CAMSAP1: variants seen among roughly 807,000 people sequenced by gnomAD.
CAMSAP1 encodes calmodulin regulated spectrin associated protein 1, also known as calmodulin-regulated spectrin-associated protein 1.
Under a neutral mutation model 143.5 loss-of-function variants are expected in CAMSAP1, and 58 were observed. The ratio of observed to expected loss-of-function variants is 0.40; its 90% CI spans 0.33 to 0.50. CAMSAP1 has a LOEUF of 0.50. Among genes scored for constraint, CAMSAP1 ranks in the 20% least tolerant of loss-of-function variants. The pLI, the probability that CAMSAP1 is intolerant of heterozygous loss-of-function variation, is 0.45. For synonymous variants in CAMSAP1, 945 were observed against 859.3 expected, an observed-to-expected ratio of 1.10 and a Z score of -1.74; for missense variants, 1,969 against 2,115.7, an observed-to-expected ratio of 0.93 and a Z score of 1.36.
intron 15 of CAMSAP1, 64 bp downstream of exon 15, chr9:135,815,826 A>C (rs1835209375): frequency 7.7e-7 from 1 of 1,295,566 alleles, no homozygotes; most frequent in Non-Finnish European, 1.1e-6. Flanking sequence ...CAGATATTGA[A>C]AGAGCCACGC....
At chr9:135,891,625 CATG>C (rs1306839758) in intron 1 of CAMSAP1, among the ~76,000 whole-genome samples, 1 of 152,202 alleles carries the variant, frequency 6.6e-6, no homozygotes, top group African/African-American at 2.4e-5. Context: ...AGTCTCACAG[CATG>C]ATGTTCACAG....
intron 7 of CAMSAP1, among the ~76,000 whole-genome samples, chr9:135,838,584 C>T (rs1286961689): frequency 6.7e-6 from 1 of 150,354 alleles, no homozygotes; most frequent in Non-Finnish European, 1.5e-5. Context: ...AGACACACAT[C>T]ATCACGCACT....
At chr9:135,861,807 C>CA (rs1047762615) in intron 5 of CAMSAP1, among the ~76,000 whole-genome samples, 18 of 152,306 alleles carry the variant, frequency 1.2e-4, no homozygotes, top group African/African-American at 4.3e-4. Flanking sequence ...TGGGGCTTAG[C>CA]AAAACCTAAA....
intron 10 of CAMSAP1, 120 bp downstream of exon 10, chr9:135,823,830 T>G (rs1041732971): frequency 1.4e-6 from 1 of 727,538 alleles, no homozygotes; most frequent in African/African-American, 1.8e-5. Context: ...TAATTCTGAT[T>G]TCAGGCACTC....
At chr9:135,857,608 G>A (rs931594579) in intron 5 of CAMSAP1, among the ~76,000 whole-genome samples, 1 of 152,164 alleles carries the variant, frequency 6.6e-6, no homozygotes, top group Non-Finnish European at 1.5e-5. Context: ...CACCATCTCT[G>A]TTGATTTGGG....
intron 7 of CAMSAP1, among the ~76,000 whole-genome samples, chr9:135,829,472 A>G (rs1835782176): frequency 6.6e-6 from 1 of 152,126 alleles, no homozygotes. Flanking sequence ...AGCAATGATC[A>G]AGCCACTGCA....
chr9:135,903,695 A>G (rs1838682650), intron 1 of CAMSAP1, among the ~76,000 whole-genome samples: 1 of 152,268 alleles, frequency 6.6e-6, no homozygotes, highest in African/African-American at 2.4e-5. Context: ...CAAGCCTTTA[A>G]CAAGTTAAAT....
chr9:135,829,380 C>T (rs2131679783), intron 7 of CAMSAP1, among the ~76,000 whole-genome samples: 1 of 151,634 alleles, frequency 6.6e-6, no homozygotes, highest in South Asian at 2.1e-4. Context: ...CATGGTGGCA[C>T]ATGCCTGTAG....
intron 16 of CAMSAP1, among the ~76,000 whole-genome samples, chr9:135,812,469 GGAGA>G (rs1000421170): frequency 2.0e-5 from 3 of 152,130 alleles, no homozygotes; most frequent in African/African-American, 7.2e-5. Context: ...GCAAATCCAT[GGAGA>G]CAGACTGGCG....
At chr9:135,862,202 TTAG>T (rs1425784148) in intron 5 of CAMSAP1, among the ~76,000 whole-genome samples, 1 of 125,254 alleles carries the variant, frequency 8.0e-6, no homozygotes, top group African/African-American at 3.0e-5. Context: ...TCCTCTCACC[TTAG>T]CCTCCCGAGT....
intron 5 of CAMSAP1, among the ~76,000 whole-genome samples, chr9:135,854,699 C>T (rs762968390): frequency 6.6e-6 from 1 of 152,120 alleles, no homozygotes; most frequent in Non-Finnish European, 1.5e-5. Flanking sequence ...AATGATCCCC[C>T]CGCCTCAGCC....
intron 1 of CAMSAP1, among the ~76,000 whole-genome samples, chr9:135,898,086 T>G (rs138629394): frequency 3.3e-5 from 5 of 152,274 alleles, no homozygotes; most frequent in Non-Finnish European, 5.9e-5. Flanking sequence ...AAATCATTAA[T>G]ACAAGTTCCT....
At position 135,866,470 on chromosome 9, in the gene CAMSAP1, G is replaced by C; in HGVS notation, c.652C>G (p.Pro218Ala). 1 of 1,459,616 alleles carries C rather than the reference G, an allele frequency of 6.9e-7. No individual in the cohort carries two copies. The highest frequency in any genetic ancestry group is 1.2e-5 in the South Asian group (1 of 82,090). 90.4% of individuals were successfully genotyped at this position (1,459,616 alleles called of 1,614,324 possible). The change falls in exon 4 of 17, where the codon CCA becomes GCA. Residue 218 changes from proline (P) to alanine (A), a missense_variant. By Grantham distance (27) the Pro-to-Ala change is conservative. This residue lies in a region of CAMSAP1 where 221 missense variants were observed against 298.2 expected (regional missense o/e 0.74). Transcript: ENST00000389532. ...TTACCCTTTACCTTTTGATGAGCTGGACTTTCCAATAACTGTTGTTTTAAT... is the reference window on the plus strand; with the variant it reads ...TTACCCTTTACCTTTTGATGAGCTGCACTTTCCAATAACTGTTGTTTTAAT... ...VKLKQQLLESPAHQKVRYRRE... is the reference protein window; with the variant it reads ...VKLKQQLLESAAHQKVRYRRE...
rs1006606939 is a variant in CAMSAP1, at chr9:135,809,464, T to C, written c.*1845A>G. 2 of 152,180 alleles carry C rather than the reference T, an allele frequency of 1.3e-5. No individual in the cohort carries two copies. Among genetic ancestry groups the C allele is most frequent in the African/African-American group, 2.4e-5 (1 of 41,408 alleles). The allele number at this position is 152,180 out of a possible 1,614,324, so 9.4% of individuals were successfully genotyped here. On this transcript the variant is annotated 3_prime_UTR_variant, in exon 17 of 17. Transcript: ENST00000389532. ...AGCTCTTCATTAAAAAGAATCCAAT[T>C]CCACTGACTTCGATAGGGCCATGGT...
At position 135,820,735 on chromosome 9, in the gene CAMSAP1, G is replaced by A. The variant is rs1835413524; in HGVS notation, c.3822+104C>T. 3 of 1,440,018 alleles carry A rather than the reference G, an allele frequency of 2.1e-6. No individual in the cohort carries two copies. The highest frequency in any genetic ancestry group is 1.9e-6 in the Non-Finnish European group (2 of 1,069,010). The allele number at this position is 1,440,018 out of a possible 1,614,324, so 89.2% of individuals were successfully genotyped here. On this transcript the variant is annotated intron_variant, in intron 11 of 16. Coordinates refer to ENST00000389532, the MANE Select transcript of CAMSAP1 (RefSeq NM_015447.4). The surrounding 1 kb of genome is among the most constrained non-coding windows in gnomAD (Gnocchi z 4.4). Reference sequence around the variant, plus strand: ...CACACACATCCCCTGGCCTCTTACAGGAGCGGCTGGCCAGCCTGGTGCAGA... The same window carrying A: ...CACACACATCCCCTGGCCTCTTACAAGAGCGGCTGGCCAGCCTGGTGCAGA...
At chr9:135,891,278 C>T (rs139072837) in intron 1 of CAMSAP1, among the ~76,000 whole-genome samples, 3 of 152,246 alleles carry the variant, frequency 2.0e-5, no homozygotes, top group Non-Finnish European at 2.9e-5. Flanking sequence ...AGCCTAGGCA[C>T]GGGGTAAGGA....
In CAMSAP1 at chr9:135,882,041, T is replaced by C. The variant is rs1241673865; in HGVS notation, c.424-247A>G. Among the ~76,000 whole-genome samples, 1 of 152,246 alleles carries C rather than the reference T, an allele frequency of 6.6e-6. No homozygotes were observed. ...CGTTCTCAGGCAGGCAGGCCAGCCC[T>C]GTGGCCCACAGTGCACTGTCTCACA... On this transcript the variant is annotated intron_variant, in intron 2 of 16. Coordinates refer to ENST00000389532, the MANE Select transcript of CAMSAP1 (RefSeq NM_015447.4). This position sits in a 1 kb window ranked among gnomAD's most constrained non-coding sequence, Gnocchi z 4.9.
rs572383874 is a variant in CAMSAP1, at chr9:135,829,778, G to A, written c.1046-2194C>T. 4.6e-5 allele frequency among the ~76,000 whole-genome samples: 7 copies of A among 152,072 alleles called. No individual in the cohort carries two copies. In the South Asian group the frequency reaches 6.2e-4, roughly 14 times the overall value. On this transcript the variant is annotated intron_variant, in intron 7 of 16. Transcript: ENST00000389532. ...TGAGGCAGGAGAATCACTTGAACCC[G>A]TGAGGCGGAGGTTGCAGCGAGCTGA... is the stretch of plus-strand genomic sequence containing the variant.
intron 3 of CAMSAP1, among the ~76,000 whole-genome samples, chr9:135,873,495 CT>C (rs2130961139): frequency 6.6e-6 from 1 of 151,982 alleles, no homozygotes; most frequent in Admixed American, 6.5e-5. Flanking sequence ...AAAATAAAAA[CT>C]AAAAGATTTT....
Sources: allele counts gnomAD v4.1 joint callset (sites outside exome capture counted in the v4.1 genomes callset), GRCh38; gene constraint gnomAD v4.1.1; regional missense constraint gnomAD v4.1.1; non-coding constraint Gnocchi (gnomAD v3.1); transcripts MANE v1.5; gene names NCBI Gene and HGNC (gene_info 2026-07-23, HGNC 2026-07-21).